The following ARHGAP26 variants were observed in gnomAD, a reference collection of about 807,000 sequenced individuals.
ARHGAP26 encodes Rho GTPase activating protein 26.
A neutral mutation model predicts 104.8 loss-of-function variants in ARHGAP26; 38 were observed. The ratio of observed to expected loss-of-function variants is 0.36; its 90% CI spans 0.28 to 0.48. ARHGAP26 has a LOEUF of 0.48. Among genes scored for constraint, ARHGAP26 ranks in the 20% least tolerant of loss-of-function variants. The pLI, the probability that ARHGAP26 is intolerant of heterozygous loss-of-function variation, is 0.99. For missense variants in ARHGAP26, 704 were observed against 947.9 expected (o/e 0.74, Z 3.38); for synonymous variants, 341 against 340.0 (o/e 1.00, Z -0.03).
chr5:143,116,402 GACATTTTTCA>G (rs1349757217), intron 17 of ARHGAP26, among the ~76,000 whole-genome samples: 1 of 152,110 alleles, frequency 6.6e-6, no homozygotes, highest in Non-Finnish European at 1.5e-5. Flanking sequence ...ACTCCTCTTT[GACATTTTTCA>G]ACATAACACT....
chr5:143,144,735 C>T (rs1798960335), intron 19 of ARHGAP26, among the ~76,000 whole-genome samples: 1 of 152,190 alleles, frequency 6.6e-6, no homozygotes, highest in African/African-American at 2.4e-5. Flanking sequence ...CTAATTGACT[C>T]CAAATGCTGT....
At chr5:142,859,375 C>G (rs1752929410) in intron 1 of ARHGAP26, among the ~76,000 whole-genome samples, 1 of 152,144 alleles carries the variant, frequency 6.6e-6, no homozygotes, top group South Asian at 2.1e-4. Flanking sequence ...AAAAAGCAGA[C>G]ATAAGTACTG....
intron 8 of ARHGAP26, among the ~76,000 whole-genome samples, chr5:142,906,455 A>T (rs1323434234): frequency 6.6e-6 from 1 of 152,212 alleles, no homozygotes; most frequent in Non-Finnish European, 1.5e-5. Context: ...GTTGCCATTC[A>T]GTGTACTTAT....
intron 21 of ARHGAP26, among the ~76,000 whole-genome samples, chr5:143,210,820 A>G (rs1267738538): frequency 6.6e-6 from 1 of 152,192 alleles, no homozygotes; most frequent in Non-Finnish European, 1.5e-5. Flanking sequence ...TCAGAGGTGA[A>G]AATTAAAAGG....
chr5:143,075,574 CA>C (rs1788878560), intron 17 of ARHGAP26, among the ~76,000 whole-genome samples: 1 of 152,174 alleles, frequency 6.6e-6, no homozygotes, highest in Non-Finnish European at 1.5e-5. Context: ...ATAGGCATGA[CA>C]TGCAGGGATT....
intron 11 of ARHGAP26, among the ~76,000 whole-genome samples, chr5:142,964,950 G>C (rs996593606): frequency 6.6e-6 from 1 of 152,278 alleles, no homozygotes. Context: ...GTTATTTATT[G>C]GATACAAAGC....
At chr5:142,930,220 G>A (rs755145029) in intron 10 of ARHGAP26, among the ~76,000 whole-genome samples, 56 of 152,158 alleles carry the variant, frequency 3.7e-4, no homozygotes, top group Non-Finnish European at 6.5e-4. Context: ...CTATTAAGAC[G>A]TCATACTTGG....
chr5:142,919,385 C>T (rs993278547), intron 10 of ARHGAP26: 1 of 398,520 alleles, frequency 2.5e-6, no homozygotes. Flanking sequence ...CAGGAGGAAC[C>T]CTTGATCTTG....
chr5:142,984,354 A>G (rs552557390), intron 11 of ARHGAP26, among the ~76,000 whole-genome samples: 27 of 152,354 alleles, frequency 1.8e-4, no homozygotes, highest in African/African-American at 6.0e-4. Context: ...AAAAGGAAAC[A>G]GACATTGTAC....
chr5:142,866,583 ATAGAAT>A (rs962109750), intron 1 of ARHGAP26, among the ~76,000 whole-genome samples: 4 of 152,228 alleles, frequency 2.6e-5, no homozygotes, highest in Admixed American at 1.3e-4. Context: ...TTTCATCTAA[ATAGAAT>A]TAGAAACCTC....
chr5:143,074,230 A>T (rs1788664825), intron 17 of ARHGAP26, among the ~76,000 whole-genome samples: 2 of 152,202 alleles, frequency 1.3e-5, no homozygotes, highest in Non-Finnish European at 2.9e-5. Flanking sequence ...ATAAAAGAAA[A>T]ATAATAATAA....
At chr5:142,782,750 T>C (rs1757775319) in intron 1 of ARHGAP26, among the ~76,000 whole-genome samples, 2 of 152,114 alleles carry the variant, frequency 1.3e-5, no homozygotes, top group African/African-American at 4.8e-5. Flanking sequence ...ATAATAAATA[T>C]CTATTATACC....
intron 1 of ARHGAP26, 109 bp downstream of exon 1, chr5:142,771,024 C>T: frequency 6.9e-7 from 1 of 1,454,660 alleles, no homozygotes; most frequent in East Asian, 2.7e-5. Flanking sequence ...TCCCGGTACA[C>T]TGGGGGACGG....
chr5:143,133,503 A>G (rs1314627212), intron 18 of ARHGAP26, among the ~76,000 whole-genome samples: 8 of 152,206 alleles, frequency 5.3e-5, no homozygotes, highest in Non-Finnish European at 1.2e-4. Context: ...CCTTTGTGAA[A>G]TGTTATTTAA....
chr5:143,109,685 C>T (rs745583522), intron 17 of ARHGAP26, among the ~76,000 whole-genome samples: 17 of 152,154 alleles, frequency 1.1e-4, no homozygotes, highest in Admixed American at 7.2e-4. Context: ...AATGATCTGC[C>T]CACCTGAGCC....
At chr5:142,948,833 G>A (rs112528197) in intron 11 of ARHGAP26, among the ~76,000 whole-genome samples, 3,650 of 152,054 alleles carry the variant, frequency 0.024, 58 homozygotes, top group Non-Finnish European at 0.038. Context: ...GGTCGGGTAC[G>A]GTGACTCATG....
intron 17 of ARHGAP26, among the ~76,000 whole-genome samples, chr5:143,069,395 C>T (rs1323071173): frequency 6.6e-6 from 1 of 152,100 alleles, no homozygotes; most frequent in Non-Finnish European, 1.5e-5. Flanking sequence ...CCAGGTAACT[C>T]ATGGGTAGCC....
At chr5:143,045,702 T>C (rs1017619353) in intron 14 of ARHGAP26, among the ~76,000 whole-genome samples, 7 of 152,190 alleles carry the variant, frequency 4.6e-5, no homozygotes, top group Middle Eastern at 3.2e-3. Flanking sequence ...GTTTTGGTTA[T>C]GGAAAATATG....
chr5:143,058,350 A>T (rs1296341660), intron 17 of ARHGAP26, among the ~76,000 whole-genome samples: 1 of 152,226 alleles, frequency 6.6e-6, no homozygotes, highest in Non-Finnish European at 1.5e-5. Context: ...TATTTTTGGC[A>T]AATACTCACT....
Sources: allele counts gnomAD v4.1 joint callset (sites outside exome capture counted in the v4.1 genomes callset), GRCh38; gene constraint gnomAD v4.1.1; transcripts MANE v1.5; gene names NCBI Gene and HGNC (gene_info 2026-07-23, HGNC 2026-07-21).